RTTN: variants seen among roughly 807,000 people sequenced by gnomAD.
RTTN encodes the protein rotatin.
Under a neutral mutation model 269.2 loss-of-function variants are expected in RTTN, and 182 were observed. The observed-to-expected ratio is 0.68, with a 90% confidence interval of 0.60 to 0.76. RTTN has a LOEUF of 0.76. Among genes scored for constraint, RTTN ranks in the 30% least tolerant of loss-of-function variants. RTTN has a pLI of 0.00. For missense variants in RTTN, 2,545 were observed against 2,608.6 expected (o/e 0.98, Z 0.53); for synonymous variants, 1,006 against 963.5 (o/e 1.04, Z -0.82).
intron 46 of RTTN, 103 bp from the exon 47 acceptor site, chr18:70,006,587 T>C: frequency 2.4e-6 from 2 of 843,626 alleles, no homozygotes; most frequent in Non-Finnish European, 2.0e-6. Flanking sequence ...TTAGAATGCA[T>C]ACATAAAGTT....
chr18:70,004,053 T>C lies in RTTN; in HGVS notation c.*98A>G. On this transcript the variant is annotated 3_prime_UTR_variant, in exon 49 of 49. Transcript: ENST00000640769. Reference sequence around the variant, plus strand: ...AGGGGATCAACACTTTGTAGAGAGGTAGCACGTCTTCAGGTAACAGCTGCT... The same window carrying C: ...AGGGGATCAACACTTTGTAGAGAGGCAGCACGTCTTCAGGTAACAGCTGCT... 4.9e-6 allele frequency: 4 copies of C among 823,198 alleles called. No individual in the cohort carries two copies. Among genetic ancestry groups the C allele is most frequent in the African/African-American group, 1.7e-5 (1 of 59,416 alleles). 51.0% of individuals were successfully genotyped at this position (823,198 alleles called of 1,614,324 possible).
At chr18:70,175,978 A>T (rs2145977008) in intron 11 of RTTN, among the ~76,000 whole-genome samples, 1 of 152,254 alleles carries the variant, frequency 6.6e-6, no homozygotes, top group South Asian at 2.1e-4. Context: ...TAATGATAAG[A>T]ACCAAGACAC....
At chr18:70,203,422 C>G (rs2062002047) in intron 3 of RTTN, among the ~76,000 whole-genome samples, 2 of 152,170 alleles carry the variant, frequency 1.3e-5, no homozygotes, top group South Asian at 2.1e-4. Context: ...TCAGGCTGGT[C>G]TTGAACTTCT....
chr18:70,168,840 A>G lies in RTTN; in HGVS notation c.1689+15T>C. On this transcript the variant is annotated intron_variant, in intron 12 of 48. Coordinates refer to ENST00000640769, the MANE Select transcript of RTTN (RefSeq NM_173630.4). ...GTCAAAGGGATTTAAAAGAGATATT[A>G]AAAAAGCTTTTTACCTCTTTCCCAA... 1 of 1,567,028 alleles carries G rather than the reference A, an allele frequency of 6.4e-7. No individual in the cohort carries two copies. The highest frequency in any genetic ancestry group is 8.7e-7 in the Non-Finnish European group (1 of 1,151,950).
intron 30 of RTTN, among the ~76,000 whole-genome samples, chr18:70,090,299 T>C (rs997113264): frequency 6.6e-6 from 1 of 152,182 alleles, no homozygotes; most frequent in East Asian, 1.9e-4. Flanking sequence ...TACTATGTTT[T>C]CTCCTACACA....
At chr18:70,151,616 CCA>C (rs1178582503) in intron 14 of RTTN, among the ~76,000 whole-genome samples, 1 of 152,054 alleles carries the variant, frequency 6.6e-6, no homozygotes, top group Non-Finnish European at 1.5e-5. Flanking sequence ...TAACTTCATG[CCA>C]CAGACAGCAA....
chr18:70,075,152 C>T, intron 33 of RTTN, 200 bp downstream of exon 33: 1 of 423,732 alleles, frequency 2.4e-6, no homozygotes, highest in Non-Finnish European at 4.1e-6. Context: ...AAGATATGAA[C>T]ATAATTACAT....
chr18:70,126,673 G>A (rs2059873253), intron 25 of RTTN, among the ~76,000 whole-genome samples: 2 of 152,044 alleles, frequency 1.3e-5, no homozygotes, highest in South Asian at 4.1e-4. Flanking sequence ...TTAATTGTAA[G>A]TTTATATAAT....
intron 25 of RTTN, among the ~76,000 whole-genome samples, chr18:70,123,546 G>T (rs1401514260): frequency 6.6e-6 from 1 of 151,722 alleles, no homozygotes. Flanking sequence ...CTTTGAATTC[G>T]ACTTTTTTAG....
At chr18:70,016,336 T>G (rs565331624) in intron 46 of RTTN, among the ~76,000 whole-genome samples, 1 of 152,306 alleles carries the variant, frequency 6.6e-6, no homozygotes, top group African/African-American at 2.4e-5. Flanking sequence ...TCTTAAACAT[T>G]TATCATGTAC....
At chr18:70,107,857 A>T (rs939019222) in intron 28 of RTTN, among the ~76,000 whole-genome samples, 3 of 152,242 alleles carry the variant, frequency 2.0e-5, no homozygotes, top group African/African-American at 4.8e-5. Flanking sequence ...AGATGATTTG[A>T]TGAATACCTT....
At chr18:70,195,578 C>T (rs575789974) in intron 7 of RTTN, among the ~76,000 whole-genome samples, 1 of 152,216 alleles carries the variant, frequency 6.6e-6, no homozygotes, top group Admixed American at 6.5e-5. Flanking sequence ...TGTTTATCAC[C>T]TGTGCCCAGC....
intron 11 of RTTN, among the ~76,000 whole-genome samples, chr18:70,170,236 G>A (rs560677377): frequency 2.0e-5 from 3 of 152,244 alleles, no homozygotes; most frequent in African/African-American, 7.2e-5. Context: ...TCCACTATAT[G>A]CCAGGTACCT....
chr18:70,126,075 T>C (rs901402408), intron 25 of RTTN, among the ~76,000 whole-genome samples: 15 of 152,098 alleles, frequency 9.9e-5, no homozygotes, highest in African/African-American at 3.6e-4. Flanking sequence ...ATACACAGTC[T>C]ATACTCTCCA....
At chr18:70,201,538 G>T (rs2061947325) in intron 4 of RTTN, among the ~76,000 whole-genome samples, 1 of 147,406 alleles carries the variant, frequency 6.8e-6, no homozygotes, top group South Asian at 2.2e-4. Context: ...AACCCGGGAG[G>T]CGGAGCTTGC....
intron 4 of RTTN, among the ~76,000 whole-genome samples, chr18:70,200,836 T>TTA (rs1185007224): frequency 1.3e-5 from 2 of 152,214 alleles, no homozygotes; most frequent in Non-Finnish European, 2.9e-5. Context: ...ATTAGTAAAA[T>TTA]GTGGTCACTA....
chr18:70,004,364 T>G, intron 48 of RTTN, 128 bp from the exon 49 acceptor site: 1 of 511,026 alleles, frequency 2.0e-6, no homozygotes, highest in East Asian at 3.2e-5. Context: ...AAGTTCTTGA[T>G]GTAATAGCAT....
At chr18:70,100,286 C>T (rs992231565) in intron 28 of RTTN, among the ~76,000 whole-genome samples, 2 of 150,160 alleles carry the variant, frequency 1.3e-5, no homozygotes, top group Admixed American at 6.6e-5. Context: ...TCCTTGAAGA[C>T]GTCCTTCACA....
intron 26 of RTTN, among the ~76,000 whole-genome samples, chr18:70,115,670 A>C (rs2059587131): frequency 6.6e-6 from 1 of 152,018 alleles, no homozygotes. Flanking sequence ...AGCAAGAAGC[A>C]TCTTACTCCA....
Sources: allele counts gnomAD v4.1 joint callset (sites outside exome capture counted in the v4.1 genomes callset), GRCh38; gene constraint gnomAD v4.1.1; transcripts MANE v1.5; gene names NCBI Gene and HGNC (gene_info 2026-07-23, HGNC 2026-07-21).